AGPAT4: variants seen among roughly 807,000 people sequenced by gnomAD.
AGPAT4 encodes the protein 1-acylglycerol-3-phosphate O-acyltransferase 4.
AGPAT4 carries 15 observed loss-of-function variants against 48.0 expected under a neutral mutation model. The observed-to-expected ratio is 0.31, with a 90% CI of 0.21 to 0.48. AGPAT4 has a LOEUF of 0.48. AGPAT4 is among the 20% of genes least tolerant of loss of function. The pLI is 0.99. For missense variants in AGPAT4, 314 were observed against 482.5 expected (o/e 0.65, Z 3.27); for synonymous variants, 178 against 198.7 (o/e 0.90, Z 0.88).
chr6:161,146,734 G>A lies in AGPAT4; in HGVS notation c.768-135C>T, dbSNP rs1205325793. The A allele has an allele frequency of 2.6e-6, 2 of 769,698 alleles. No homozygotes were observed. Among genetic ancestry groups the A allele is most frequent in the African/African-American group, 1.7e-5 (1 of 57,800 alleles). 47.7% of individuals were successfully genotyped at this position (769,698 alleles called of 1,614,324 possible). On this transcript the variant is annotated intron_variant, in intron 6 of 8. Coordinates refer to ENST00000320285, the MANE Select transcript of AGPAT4 (RefSeq NM_020133.3). The surrounding 1 kb of genome is among the most constrained non-coding windows in gnomAD (Gnocchi z 7.1). Reference sequence around the variant, plus strand: ...TGTGGAACTGAAGAGAGTAATGCAAGTGATAGAAAGAAGGGGCGTTCCACA... The same window carrying A: ...TGTGGAACTGAAGAGAGTAATGCAAATGATAGAAAGAAGGGGCGTTCCACA...
In AGPAT4 at chr6:161,146,839, G is replaced by C. The variant is rs1779446658; in HGVS notation, c.768-240C>G. On this transcript the variant is annotated intron_variant, in intron 6 of 8. Transcript: ENST00000320285. This position sits in a 1 kb window ranked among gnomAD's most constrained non-coding sequence, Gnocchi z 7.1. ...AGGGGCCAATTCAATGGCACAGACA[G>C]ATGCTGTGAGAACAGGGGACACCTG... is the stretch of plus-strand genomic sequence containing the variant. 6.6e-6 allele frequency among the ~76,000 whole-genome samples: 1 copy of C among 152,172 alleles called. No homozygotes were observed. Among genetic ancestry groups the C allele is most frequent in the Admixed American group, 6.5e-5 (1 of 15,278 alleles).
In AGPAT4 at chr6:161,221,342, A is replaced by G. The variant is rs1474798223; in HGVS notation, c.178+10694T>C. 6.6e-6 allele frequency among the ~76,000 whole-genome samples: 1 copy of G among 152,120 alleles called. No individual in the cohort carries two copies. Among genetic ancestry groups the G allele is most frequent in the Non-Finnish European group, 1.5e-5 (1 of 68,022 alleles). On this transcript the variant is annotated intron_variant, in intron 2 of 8. Transcript: ENST00000320285. This position sits in a 1 kb window ranked among gnomAD's most constrained non-coding sequence, Gnocchi z 4.5. ...CAGCCAGCCGCACTTTACTCCTTTG[A>G]GTTCCTGGATTTAAGAGGTGGGAAA...
chr6:161,224,608 T>C (rs1194442535), intron 2 of AGPAT4, among the ~76,000 whole-genome samples: 1 of 130,026 alleles, frequency 7.7e-6, no homozygotes, highest in African/African-American at 3.0e-5. Flanking sequence ...GCCACTGCAC[T>C]CCAGCCTGGG....
intron 2 of AGPAT4, among the ~76,000 whole-genome samples, chr6:161,213,177 CT>C (rs1781561635): frequency 6.6e-6 from 1 of 152,152 alleles, no homozygotes; most frequent in East Asian, 1.9e-4. Flanking sequence ...AAATCCATGG[CT>C]GGGCTCGGCT....
rs1174412315 is a variant in AGPAT4, at chr6:161,147,861, G to A, written c.768-1262C>T. Among the ~76,000 whole-genome samples, 2 of 152,188 alleles carry A rather than the reference G, an allele frequency of 1.3e-5. No individual in the cohort carries two copies. Among genetic ancestry groups the A allele is most frequent in the African/African-American group, 4.8e-5 (2 of 41,428 alleles). On this transcript the variant is annotated intron_variant, in intron 6 of 8. Coordinates refer to ENST00000320285, the MANE Select transcript of AGPAT4 (RefSeq NM_020133.3). This position sits in a 1 kb window ranked among gnomAD's most constrained non-coding sequence, Gnocchi z 4.8. ...TGATGTTTCAGTGCTTTGTACTGAT[G>A]TGTGTTCAGAAACATGCCTCAATCA...
chr6:161,158,494 G>C lies in AGPAT4; in HGVS notation c.349-4184C>G, dbSNP rs1270751198. ...GAGTAAACCACTATGGAGAGAGAGA[G>C]TGAAAGAGAGAGTTGTCTTAGGGCA... On this transcript the variant is annotated intron_variant, in intron 3 of 8. Coordinates refer to ENST00000320285, the MANE Select transcript of AGPAT4 (RefSeq NM_020133.3). The surrounding 1 kb of genome is among the most constrained non-coding windows in gnomAD (Gnocchi z 5.3). Among the ~76,000 whole-genome samples, 1 of 152,222 alleles carries C rather than the reference G, an allele frequency of 6.6e-6. No individual in the cohort carries two copies. Among genetic ancestry groups the C allele is most frequent in the Non-Finnish European group, 1.5e-5 (1 of 68,054 alleles).
rs747871119 is a variant in AGPAT4 at position 161,144,085 on chromosome 6, C to G, written c.843+2439G>C. The G allele has an allele frequency of 1.9e-6, 1 of 527,488 alleles. No individual in the cohort carries two copies. The highest frequency in any genetic ancestry group is 1.4e-5 in the South Asian group (1 of 70,586). The allele number at this position is 527,488 out of a possible 1,614,324, so 32.7% of individuals were successfully genotyped here. ...GCACGTAAAGCTTTAGATCTAGGCT[C>G]CTAGCAAAATAGGCTGATACAGAAA... On this transcript the variant is annotated intron_variant, in intron 7 of 8. Transcript: ENST00000320285. This position sits in a 1 kb window ranked among gnomAD's most constrained non-coding sequence, Gnocchi z 6.6.
At chr6:161,136,800 G>A (rs1023930376) in intron 8 of AGPAT4, among the ~76,000 whole-genome samples, 166 bp from the exon 9 acceptor site, 1 of 152,222 alleles carries the variant, frequency 6.6e-6, no homozygotes, top group African/African-American at 2.4e-5. Context: ...AATCATCCTT[G>A]AGTGTGGACA....
At position 161,220,534 on chromosome 6, in the gene AGPAT4, G is replaced by C. The variant is rs1781805129; in HGVS notation, c.178+11502C>G. On this transcript the variant is annotated intron_variant, in intron 2 of 8. Coordinates refer to ENST00000320285, the MANE Select transcript of AGPAT4 (RefSeq NM_020133.3). The surrounding 1 kb of genome is among the most constrained non-coding windows in gnomAD (Gnocchi z 6.0). ...ACTTCATTTTATAGTTCCTCAAGCA[G>C]AGCAAGTAGAGGAACCAAAGACTTG... is the stretch of plus-strand genomic sequence containing the variant. Among the ~76,000 whole-genome samples, 1 of 152,146 alleles carries C rather than the reference G, an allele frequency of 6.6e-6. No individual in the cohort carries two copies. Among genetic ancestry groups the C allele is most frequent in the African/African-American group, 2.4e-5 (1 of 41,420 alleles).
In AGPAT4 at chr6:161,165,299, G is replaced by A. The variant is rs750688425; in HGVS notation, c.348+949C>T. Among the ~76,000 whole-genome samples the A allele has an allele frequency of 6.6e-6, 1 of 152,178 alleles. No homozygotes were observed. The highest frequency in any genetic ancestry group is 1.5e-5 in the Non-Finnish European group (1 of 68,032). The stretch of plus-strand genomic sequence containing the variant: ...CAAAAGGAGAAAACAGTGGGCAGGA[G>A]GCTATCTTCATCTGCCTCCAGGAAC... On this transcript the variant is annotated intron_variant, in intron 3 of 8. Transcript: ENST00000320285. This position sits in a 1 kb window ranked among gnomAD's most constrained non-coding sequence, Gnocchi z 5.5.
Position 161,274,039 on chromosome 6 carries a change from AG to A in AGPAT4, c.-192del, listed in dbSNP as rs920803343. On this transcript the variant is annotated 5_prime_UTR_variant, in exon 1 of 9. Coordinates refer to ENST00000320285, the MANE Select transcript of AGPAT4 (RefSeq NM_020133.3). This position sits in a 1 kb window ranked among gnomAD's most constrained non-coding sequence, Gnocchi z 4.5. ...CACTAGTTTATAAGAGCTGTAAGTC[AG>A]CCAACACTGGAAAGAAAAAGCGAGA... The A allele has an allele frequency of 6.6e-5, 10 of 151,516 alleles. No individual in the cohort carries two copies. Among genetic ancestry groups the A allele is most frequent in the Admixed American group, 6.6e-4 (10 of 15,198 alleles). The allele number at this position is 151,516 out of a possible 1,614,324, so 9.4% of individuals were successfully genotyped here.
rs529413467 is a variant in AGPAT4 at position 161,159,279 on chromosome 6, G to A, written c.349-4969C>T. Among the ~76,000 whole-genome samples the A allele has an allele frequency of 1.6e-4, 25 of 152,288 alleles. No individual in the cohort carries two copies. The highest frequency in any genetic ancestry group is 5.3e-4 in the African/African-American group (22 of 41,566). On this transcript the variant is annotated intron_variant, in intron 3 of 8. Coordinates refer to ENST00000320285, the MANE Select transcript of AGPAT4 (RefSeq NM_020133.3). This position sits in a 1 kb window ranked among gnomAD's most constrained non-coding sequence, Gnocchi z 4.1. ...ATCAGATTGGAATCTTCAACCCAAGGCTGCTCTGTCTGTGCAAAGGTATTG... is the reference window on the plus strand; with the variant it reads ...ATCAGATTGGAATCTTCAACCCAAGACTGCTCTGTCTGTGCAAAGGTATTG...
Position 161,138,379 on chromosome 6 carries a change from G to A in AGPAT4, c.1042+1043C>T. ...TGGTTGGCTCAGTCAGAATGAATGA[G>A]CTAGGTTTATGTGCTGTGACCTGTT... On this transcript the variant is annotated intron_variant, in intron 8 of 8. Transcript: ENST00000320285. The surrounding 1 kb of genome is among the most constrained non-coding windows in gnomAD (Gnocchi z 4.8). 6.6e-6 allele frequency among the ~76,000 whole-genome samples: 1 copy of A among 152,212 alleles called. No individual in the cohort carries two copies.
chr6:161,237,484 G>C (rs1418842299), intron 1 of AGPAT4, among the ~76,000 whole-genome samples: 1 of 152,164 alleles, frequency 6.6e-6, no homozygotes, highest in African/African-American at 2.4e-5. Flanking sequence ...AGAGACAAAG[G>C]GGGTTAAATA....
chr6:161,239,002 G>C (rs1782399112), intron 1 of AGPAT4, among the ~76,000 whole-genome samples: 1 of 152,146 alleles, frequency 6.6e-6, no homozygotes, highest in South Asian at 2.1e-4. Context: ...TTTATTAGCT[G>C]TGTGAGAATA....
chr6:161,204,397 T>C lies in AGPAT4; in HGVS notation c.178+27639A>G, dbSNP rs1781322348. Reference sequence around the variant, plus strand: ...TGCCTTATTGTTTTATTGGATTTAATAGCGATGCATGTCTCCAATTTAATA... The same window carrying C: ...TGCCTTATTGTTTTATTGGATTTAACAGCGATGCATGTCTCCAATTTAATA... On this transcript the variant is annotated intron_variant, in intron 2 of 8. Coordinates refer to ENST00000320285, the MANE Select transcript of AGPAT4 (RefSeq NM_020133.3). The surrounding 1 kb of genome is among the most constrained non-coding windows in gnomAD (Gnocchi z 4.4). Among the ~76,000 whole-genome samples the C allele has an allele frequency of 6.6e-6, 1 of 152,216 alleles. No homozygotes were observed. The highest frequency in any genetic ancestry group is 1.9e-4 in the East Asian group (1 of 5,182).
chr6:161,245,384 T>C lies in AGPAT4; in HGVS notation c.-89-13082A>G, dbSNP rs970131700. Among the ~76,000 whole-genome samples, 14 of 152,190 alleles carry C rather than the reference T, an allele frequency of 9.2e-5. No homozygotes were observed. Among genetic ancestry groups the C allele is most frequent in the Admixed American group, 5.9e-4 (9 of 15,276 alleles). On this transcript the variant is annotated intron_variant, in intron 1 of 8. Coordinates refer to ENST00000320285, the MANE Select transcript of AGPAT4 (RefSeq NM_020133.3). The surrounding 1 kb of genome is among the most constrained non-coding windows in gnomAD (Gnocchi z 5.2). Reference sequence around the variant, plus strand: ...TTAGGCATTGGATATCAGTCCCAGTTTTATGGTTCTGGAAAATGGGAAATG... The same window carrying C: ...TTAGGCATTGGATATCAGTCCCAGTCTTATGGTTCTGGAAAATGGGAAATG...
rs1023826421 is a variant in AGPAT4 at position 161,261,634 on chromosome 6, T to C, written c.-90+12304A>G. Among the ~76,000 whole-genome samples the C allele has an allele frequency of 3.9e-5, 6 of 152,164 alleles. No individual in the cohort carries two copies. Among genetic ancestry groups the C allele is most frequent in the African/African-American group, 1.4e-4 (6 of 41,426 alleles). Reference sequence around the variant, plus strand: ...GGAGGGATATTTTACCTTCCACAAATCCAGCTAATCATGTAGTGTTTGTAA... The same window carrying C: ...GGAGGGATATTTTACCTTCCACAAACCCAGCTAATCATGTAGTGTTTGTAA... On this transcript the variant is annotated intron_variant, in intron 1 of 8. Coordinates refer to ENST00000320285, the MANE Select transcript of AGPAT4 (RefSeq NM_020133.3). The surrounding 1 kb of genome is among the most constrained non-coding windows in gnomAD (Gnocchi z 5.3).
rs147775889 is a variant in AGPAT4, at chr6:161,201,953, G to A, written c.178+30083C>T. Among the ~76,000 whole-genome samples, 21 of 152,270 alleles carry A rather than the reference G, an allele frequency of 1.4e-4. No individual in the cohort carries two copies. In the East Asian group the frequency reaches 3.9e-3, roughly 28 times the overall value. The stretch of plus-strand genomic sequence containing the variant: ...GATATGCCAAGTAGGATGCCAGTAA[G>A]AAAGATGCTTACTAAAGGCCACTAT... On this transcript the variant is annotated intron_variant, in intron 2 of 8. Coordinates refer to ENST00000320285, the MANE Select transcript of AGPAT4 (RefSeq NM_020133.3). This position sits in a 1 kb window ranked among gnomAD's most constrained non-coding sequence, Gnocchi z 6.0.
Sources: allele counts gnomAD v4.1 joint callset (sites outside exome capture counted in the v4.1 genomes callset), GRCh38; gene constraint gnomAD v4.1.1; non-coding constraint Gnocchi (gnomAD v3.1); transcripts MANE v1.5; gene names NCBI Gene and HGNC (gene_info 2026-07-23, HGNC 2026-07-21).